The following ZFP90 variants were observed in gnomAD, a reference collection of about 807,000 sequenced individuals.
ZFP90 encodes zinc finger protein 90 homolog.
ZFP90 carries 38 observed loss-of-function variants against 60.8 expected under a neutral mutation model. That is an observed-to-expected ratio of 0.62 (90% CI 0.48 to 0.82). ZFP90 has a LOEUF of 0.82. Ranked by LOEUF, ZFP90 falls within the 40% of genes least tolerant of loss-of-function variation. ZFP90 has a pLI of 0.00. For missense variants in ZFP90, 711 were observed against 759.1 expected (o/e 0.94, Z 0.74); for synonymous variants, 287 against 264.8 (o/e 1.08, Z -0.82).
chr16:68,546,183 G>C (rs531487065), intron 2 of ZFP90, among the ~76,000 whole-genome samples: 7 of 152,162 alleles, frequency 4.6e-5, no homozygotes, highest in Non-Finnish European at 1.0e-4. Context: ...TCAAAACAAA[G>C]TATATTTTAT....
chr16:68,535,568 A>T (rs1374663449), upstream of ZFP90: 1 of 152,138 alleles, frequency 6.6e-6, no homozygotes, highest in Non-Finnish European at 1.5e-5. Context: ...AGGCACAATT[A>T]TTGCTAATTG....
chr16:68,556,796 A>T (rs1451623675), intron 2 of ZFP90, among the ~76,000 whole-genome samples: 1 of 152,200 alleles, frequency 6.6e-6, no homozygotes, highest in Non-Finnish European at 1.5e-5. Context: ...AATGCGATGG[A>T]TAGTGGAGGT....
downstream of ZFP90, among the ~76,000 whole-genome samples, chr16:68,569,302 A>T (rs997441789): frequency 1.8e-4 from 28 of 151,852 alleles, no homozygotes; most frequent in African/African-American, 6.5e-4. Context: ...ATGCCCAGCT[A>T]TTTTTTGTAT....
intron 2 of ZFP90, among the ~76,000 whole-genome samples, chr16:68,549,825 T>A (rs1336430860): frequency 1.3e-5 from 2 of 152,054 alleles, no homozygotes; most frequent in Admixed American, 1.3e-4. Context: ...AACAGTGAAC[T>A]GGTTCTACAA....
At chr16:68,541,604 T>A (rs1219878454) in intron 2 of ZFP90, among the ~76,000 whole-genome samples, 4 of 151,710 alleles carry the variant, frequency 2.6e-5, no homozygotes, top group South Asian at 2.1e-4. Context: ...GCCTGCGTTT[T>A]TATATATATA....
intron 2 of ZFP90, among the ~76,000 whole-genome samples, chr16:68,541,587 G>A (rs937159952): frequency 2.6e-5 from 4 of 152,038 alleles, no homozygotes; most frequent in African/African-American, 4.8e-5. Flanking sequence ...GTGAGCCACC[G>A]GGCCCGGCCT....
intron 2 of ZFP90, among the ~76,000 whole-genome samples, chr16:68,575,055 C>G (rs1053852417): frequency 6.6e-6 from 1 of 151,908 alleles, no homozygotes; most frequent in Non-Finnish European, 1.5e-5. Flanking sequence ...AAATGTTGAA[C>G]TGGGGAAAAT....
intron 1 of ZFP90, chr16:68,533,603 C>T (rs1365915510): frequency 6.6e-6 from 1 of 152,010 alleles, no homozygotes; most frequent in Non-Finnish European, 1.5e-5. Context: ...TCCAAAAATC[C>T]CTCTATTTAA....
chr16:68,568,925 TC>T (rs774688867), downstream of ZFP90, among the ~76,000 whole-genome samples: 8 of 152,130 alleles, frequency 5.3e-5, no homozygotes, highest in Admixed American at 1.3e-4. Context: ...GTGATCCATT[TC>T]CTTGGCCTCC....
chr16:68,556,363 T>G (rs1223504601), intron 2 of ZFP90, among the ~76,000 whole-genome samples: 2 of 151,828 alleles, frequency 1.3e-5, no homozygotes, highest in Non-Finnish European at 2.9e-5. Context: ...GTGATTAGAG[T>G]AGGGTATGAG....
intron 4 of ZFP90, among the ~76,000 whole-genome samples, chr16:68,559,943 C>T (rs2152072102): frequency 6.6e-6 from 1 of 151,300 alleles, no homozygotes; most frequent in Non-Finnish European, 1.5e-5. Context: ...ATCACAGCTC[C>T]CTGCAGCCTT....
intron 4 of ZFP90, 192 bp from the exon 5 acceptor site, chr16:68,562,852 T>C: frequency 2.3e-6 from 3 of 1,304,008 alleles, no homozygotes; most frequent in Non-Finnish European, 3.1e-6. Flanking sequence ...ACTTACCACA[T>C]ACTCTGAATC....
downstream of ZFP90, among the ~76,000 whole-genome samples, chr16:68,571,047 T>A (rs1295351417): frequency 1.3e-5 from 2 of 152,106 alleles, no homozygotes; most frequent in Non-Finnish European, 2.9e-5. Flanking sequence ...TGGTCTTGGG[T>A]GGCTGGAAGG....
At chr16:68,546,792 G>T (rs530979417) in intron 2 of ZFP90, among the ~76,000 whole-genome samples, 3 of 152,228 alleles carry the variant, frequency 2.0e-5, no homozygotes, top group Non-Finnish European at 4.4e-5. Context: ...GATTAGAGGC[G>T]TGAGCCACCA....
chr16:68,546,943 T>G (rs576061301), intron 2 of ZFP90, among the ~76,000 whole-genome samples: 1 of 152,374 alleles, frequency 6.6e-6, no homozygotes, highest in African/African-American at 2.4e-5. Flanking sequence ...AATAAAAGCC[T>G]TTCTAAGGCT....
rs1230867747 is a variant in ZFP90 at position 68,564,421 on chromosome 16, G to T, written c.1634G>T (p.Arg545Ile). The change falls in exon 5 of 5, where the codon AGA (arginine) becomes ATA (isoleucine). Residue 545 changes from arginine (R) to isoleucine (I), a missense_variant. Coordinates refer to ENST00000563169, the MANE Select transcript of ZFP90 (RefSeq NM_001305203.2). ...SRRSSLTQHE[R>I]THTGEKPYEC... ...CGCTCATCGCTTACTCAACATGAGA[G>T]AACCCACACTGGAGAGAAACCCTAT... 1.2e-6 allele frequency: 2 copies of T among 1,613,926 alleles called. No individual in the cohort carries two copies. The highest frequency in any genetic ancestry group is 1.7e-5 in the Admixed American group (1 of 59,984).
chr16:68,559,386 C>T (rs2091399564), intron 4 of ZFP90, among the ~76,000 whole-genome samples: 2 of 152,264 alleles, frequency 1.3e-5, no homozygotes, highest in Non-Finnish European at 2.9e-5. Flanking sequence ...GCCTATTTCT[C>T]ATTTCTACCC....
chr16:68,546,351 C>T (rs1186534931), intron 2 of ZFP90, among the ~76,000 whole-genome samples: 1 of 152,014 alleles, frequency 6.6e-6, no homozygotes, highest in Non-Finnish European at 1.5e-5. Flanking sequence ...TCACCACTAC[C>T]CATCTTCAAA....
rs1263644290 is a variant in ZFP90, at chr16:68,558,036, C to T, written c.72C>T (p.Thr24=). Residue 24 remains threonine, a synonymous_variant, in exon 3 of 5, where the codon ACC becomes ACT. Coordinates refer to ENST00000563169, the MANE Select transcript of ZFP90 (RefSeq NM_001305203.2). ...VTFKDVSVDF[T]QEEWYHVDPA... is the part of the protein sequence containing the mutation. Reference sequence around the variant, plus strand: ...TCAAAGATGTGTCTGTGGACTTCACCCAGGAAGAATGGTACCATGTCGACC... The same window carrying T: ...TCAAAGATGTGTCTGTGGACTTCACTCAGGAAGAATGGTACCATGTCGACC... 2.5e-6 allele frequency: 4 copies of T among 1,613,506 alleles called. No homozygotes were observed. Among genetic ancestry groups the T allele is most frequent in the Middle Eastern group, 1.6e-4 (1 of 6,082 alleles).
Sources: allele counts gnomAD v4.1 joint callset (sites outside exome capture counted in the v4.1 genomes callset), GRCh38; gene constraint gnomAD v4.1.1; transcripts MANE v1.5; gene names NCBI Gene and HGNC (gene_info 2026-07-23, HGNC 2026-07-21).